GRIK5: variants seen among roughly 807,000 people sequenced by gnomAD.
GRIK5 encodes the protein glutamate ionotropic receptor kainate type subunit 5.
Under a neutral mutation model 97.4 loss-of-function variants are expected in GRIK5, and 43 were observed. That is an observed-to-expected ratio of 0.44 (90% CI 0.35 to 0.57). GRIK5 has a LOEUF of 0.57. Ranked by LOEUF, GRIK5 falls within the 20% of genes least tolerant of loss-of-function variation. The probability of loss-of-function intolerance (pLI) is 0.01; values close to 1 mark genes in which losing one functional copy is unlikely to be tolerated. For missense variants in GRIK5, 1,015 were observed against 1,382.0 expected (o/e 0.73, Z 4.21); for synonymous variants, 580 against 583.5 (o/e 0.99, Z 0.09).
intron 12 of GRIK5, among the ~76,000 whole-genome samples, chr19:42,025,509 G>A (rs933242947): frequency 1.3e-5 from 2 of 152,050 alleles, no homozygotes; most frequent in Non-Finnish European, 2.9e-5. Context: ...TATGGCGGCG[G>A]CAGCAGCCTC....
chr19:42,014,730 C>T (rs1172667735), intron 15 of GRIK5, among the ~76,000 whole-genome samples: 2 of 152,084 alleles, frequency 1.3e-5, no homozygotes, highest in African/African-American at 4.8e-5. Context: ...TTGCAGTGAG[C>T]TGAGATCACA....
chr19:42,054,826 T>A (rs1876342587), intron 8 of GRIK5, among the ~76,000 whole-genome samples: 1 of 152,142 alleles, frequency 6.6e-6, no homozygotes, highest in Admixed American at 6.5e-5. Context: ...ATAGTCCCCG[T>A]CTGAGTGTGT....
At chr19:42,043,547 C>T (rs1042122366) in intron 11 of GRIK5, among the ~76,000 whole-genome samples, 2 of 151,788 alleles carry the variant, frequency 1.3e-5, no homozygotes, top group Admixed American at 1.3e-4. Context: ...GCTTGGATTA[C>T]AGGTGCCTGC....
intron 15 of GRIK5, among the ~76,000 whole-genome samples, chr19:42,018,149 TAAA>T (rs11452086): frequency 1.6e-5 from 1 of 62,808 alleles, no homozygotes; most frequent in Non-Finnish European, 2.7e-5. Flanking sequence ...CCATCTCTAC[TAAA>T]AAAAAAAAAA....
Position 42,003,739 on chromosome 19 carries a change from C to T in GRIK5, c.2264-56G>A. On this transcript the variant is annotated intron_variant, in intron 17 of 19. Transcript: ENST00000593562. The surrounding 1 kb of genome is among the most constrained non-coding windows in gnomAD (Gnocchi z 4.2). Reference sequence around the variant, plus strand: ...CATCGGGCCCTGCAGCCCTGACCGCCCCAAACCCCAAACTGTGCCCTCACC... The same window carrying T: ...CATCGGGCCCTGCAGCCCTGACCGCTCCAAACCCCAAACTGTGCCCTCACC... The T allele has an allele frequency of 1.3e-6, 2 of 1,508,302 alleles. No individual in the cohort carries two copies. The highest frequency in any genetic ancestry group is 2.7e-5 in the South Asian group (2 of 74,840). 93.4% of individuals were successfully genotyped at this position (1,508,302 alleles called of 1,614,324 possible). A position where few individuals can be genotyped will look rare whatever the true frequency, so the allele number is the denominator to read the frequency against.
chr19:42,045,503 A>C (rs1412813822), intron 11 of GRIK5, among the ~76,000 whole-genome samples: 2 of 152,212 alleles, frequency 1.3e-5, no homozygotes, highest in East Asian at 1.9e-4. Flanking sequence ...GGAATCATGC[A>C]AAATAATCAA....
At chr19:42,024,300 C>T (rs2075741585) in intron 12 of GRIK5, among the ~76,000 whole-genome samples, 1 of 151,640 alleles carries the variant, frequency 6.6e-6, no homozygotes, top group South Asian at 2.1e-4. Flanking sequence ...GCAACTTCTG[C>T]CTCCTGGGTT....
chr19:42,056,554 A>T, intron 8 of GRIK5, 108 bp downstream of exon 8: 1 of 924,340 alleles, frequency 1.1e-6, no homozygotes, highest in Non-Finnish European at 1.7e-6. Context: ...ACGAGGCCTC[A>T]GGGAGGGCGA....
chr19:42,062,367 C>G lies in GRIK5; in HGVS notation c.508+121G>C, dbSNP rs998150360. The stretch of plus-strand genomic sequence containing the variant: ...TCGGTTTCTGAAGATGGGAGAAGAG[C>G]CTGGTGCCTGGGTGCCCCAGGGTTC... On this transcript the variant is annotated intron_variant, in intron 5 of 19. Transcript: ENST00000593562. The surrounding 1 kb of genome is among the most constrained non-coding windows in gnomAD (Gnocchi z 5.3). 46 of 915,476 alleles carry G rather than the reference C, an allele frequency of 5.0e-5. No individual in the cohort carries two copies. The Admixed American group carries it at 1.1e-3, about 22-fold the overall frequency. 56.7% of individuals were successfully genotyped at this position (915,476 alleles called of 1,614,324 possible).
chr19:42,013,689 C>T (rs1341148138), intron 15 of GRIK5, among the ~76,000 whole-genome samples: 1 of 152,020 alleles, frequency 6.6e-6, no homozygotes, highest in Non-Finnish European at 1.5e-5. Flanking sequence ...GGCTTACAGG[C>T]GTGAGCCACC....
chr19:42,065,408 G>A lies in GRIK5; in HGVS notation c.80-21C>T. 3.2e-6 allele frequency: 5 copies of A among 1,563,354 alleles called. No homozygotes were observed. The highest frequency in any genetic ancestry group is 4.3e-6 in the Non-Finnish European group (5 of 1,153,090). ...TGCAGCTGAGGGGACACATGGGTTGGGGACCAGACTCCTGAGTCCTGAGGA... is the reference window on the plus strand; with the variant it reads ...TGCAGCTGAGGGGACACATGGGTTGAGGACCAGACTCCTGAGTCCTGAGGA... On this transcript the variant is annotated intron_variant, in intron 2 of 19. Transcript: ENST00000593562. The surrounding 1 kb of genome is among the most constrained non-coding windows in gnomAD (Gnocchi z 5.8).
At chr19:42,026,505 C>T (rs1223929297) in intron 12 of GRIK5, among the ~76,000 whole-genome samples, 2 of 152,008 alleles carry the variant, frequency 1.3e-5, no homozygotes, top group Non-Finnish European at 2.9e-5. Flanking sequence ...CCGCCTGCCT[C>T]AGCCTCCCAA....
In GRIK5 at chr19:42,050,159, G is replaced by A. The variant is rs181027265; in HGVS notation, c.1269+3443C>T. On this transcript the variant is annotated intron_variant, in intron 11 of 19. Coordinates refer to ENST00000593562, the MANE Select transcript of GRIK5 (RefSeq NM_002088.5). ...TGCTCAGGCTTGTCTCAAACTCATG[G>A]GCCCAAGTGATCCTCCCGCCTCAGT... Among the ~76,000 whole-genome samples, 29 of 152,042 alleles carry A rather than the reference G, an allele frequency of 1.9e-4. No homozygotes were observed. In the East Asian group the frequency reaches 4.7e-3, roughly 24 times the overall value.
chr19:42,052,561 A>G (rs956907028), intron 11 of GRIK5, among the ~76,000 whole-genome samples: 15 of 152,280 alleles, frequency 9.9e-5, no homozygotes, highest in African/African-American at 3.1e-4. Flanking sequence ...GCCCTCTAAC[A>G]TCCTGCAAAA....
chr19:42,006,879 C>T lies in GRIK5; in HGVS notation c.1872-69G>A. The T allele has an allele frequency of 8.0e-7, 1 of 1,244,200 alleles. No homozygotes were observed. Among genetic ancestry groups the T allele is most frequent in the African/African-American group, 1.5e-5 (1 of 67,162 alleles). The allele number at this position is 1,244,200 out of a possible 1,614,324, so 77.1% of individuals were successfully genotyped here. On this transcript the variant is annotated intron_variant, in intron 15 of 19. Coordinates refer to ENST00000593562, the MANE Select transcript of GRIK5 (RefSeq NM_002088.5). The surrounding 1 kb of genome is among the most constrained non-coding windows in gnomAD (Gnocchi z 5.3). ...CTGACCTGCCCCCGTGGCCATGCCCCCCATTGGTGGTGCCCCTCCCAAGTG... is the reference window on the plus strand; with the variant it reads ...CTGACCTGCCCCCGTGGCCATGCCCTCCATTGGTGGTGCCCCTCCCAAGTG...
At position 42,021,897 on chromosome 19, in the gene GRIK5, C is replaced by T. The variant is rs563205273; in HGVS notation, c.1697+50G>A. The T allele has an allele frequency of 5.4e-6, 7 of 1,301,126 alleles. No individual in the cohort carries two copies. The highest frequency in any genetic ancestry group is 4.9e-5 in the East Asian group (2 of 40,902). 80.6% of individuals were successfully genotyped at this position (1,301,126 alleles called of 1,614,324 possible). On this transcript the variant is annotated intron_variant, in intron 14 of 19. Coordinates refer to ENST00000593562, the MANE Select transcript of GRIK5 (RefSeq NM_002088.5). This position sits in a 1 kb window ranked among gnomAD's most constrained non-coding sequence, Gnocchi z 4.2. ...AGAGGCAGGTCGGTCCCAGAGGCCT[C>T]GGCTCGTGCCTCCTCCAGCCCCTTC...
chr19:42,065,375 T>C lies in GRIK5; in HGVS notation c.92A>G (p.Asp31Gly). 6.3e-7 allele frequency: 1 copy of C among 1,589,696 alleles called. No homozygotes were observed. The highest frequency in any genetic ancestry group is 8.6e-7 in the Non-Finnish European group (1 of 1,165,688). ...ACCGCGGCCACACACTGTCTGATCATCCAGGATTGCAGCTGAGGGGACACA... is the reference window on the plus strand; with the variant it reads ...ACCGCGGCCACACACTGTCTGATCACCCAGGATTGCAGCTGAGGGGACACA... ...LSSLRMAAIL[D>G]DQTVCGRGER... The change falls in exon 3 of 20, where the codon GAT becomes GGT. Residue 31 changes from aspartate to glycine, a missense_variant. This residue lies in a region of GRIK5 where 198 missense variants were observed against 218.2 expected (regional missense o/e 0.91). Coordinates refer to ENST00000593562, the MANE Select transcript of GRIK5 (RefSeq NM_002088.5). The surrounding 1 kb of genome is among the most constrained non-coding windows in gnomAD (Gnocchi z 5.8).
intron 12 of GRIK5, among the ~76,000 whole-genome samples, chr19:42,038,041 C>A (rs955756319): frequency 6.6e-6 from 1 of 152,246 alleles, no homozygotes; most frequent in Non-Finnish European, 1.5e-5. Flanking sequence ...GACCTAAGAT[C>A]TTCTTTGCCC....
At chr19:42,004,400 C>A (rs1457685474) in intron 17 of GRIK5, among the ~76,000 whole-genome samples, 1 of 152,146 alleles carries the variant, frequency 6.6e-6, no homozygotes, top group African/African-American at 2.4e-5. Context: ...ATACTTATTT[C>A]TTCATTGACT....
Sources: gnomAD v4.1 joint callset for allele counts (sites outside exome capture counted in the v4.1 genomes callset) on GRCh38, gnomAD v4.1.1 for gene constraint, gnomAD v4.1.1 regional missense constraint, Gnocchi (gnomAD v3.1) non-coding constraint, MANE v1.5 for transcripts, NCBI Gene and HGNC (gene_info 2026-07-23, HGNC 2026-07-21) for gene names.